Variants in LRRK1 observed in about 807,000 individuals in gnomAD.
The protein encoded by LRRK1 is leucine rich repeat kinase 1.
LRRK1 carries 113 observed loss-of-function variants against 209.1 expected under a neutral mutation model. The observed-to-expected ratio is 0.54, with a 90% CI of 0.46 to 0.63. LRRK1 has a LOEUF of 0.63. Ranked by LOEUF, LRRK1 falls within the 30% of genes least tolerant of loss-of-function variation. LRRK1 has a pLI of 0.00. For synonymous variants in LRRK1, 1,144 were observed against 1,099.7 expected (o/e 1.04, Z -0.80); for missense variants, 2,284 against 2,632.2 (o/e 0.87, Z 2.89).
rs553710359 is a variant in LRRK1, at chr15:100,957,607, C to T, written c.98-16197C>T. On this transcript the variant is annotated intron_variant, in intron 2 of 33. Coordinates refer to ENST00000388948, the MANE Select transcript of LRRK1 (RefSeq NM_024652.6). ...AGTCTATTCAGTCTGGTATAAGTAT[C>T]GCCATTCTTTAGCTCTTTTGGTTTC... is the stretch of plus-strand genomic sequence containing the variant. Among the ~76,000 whole-genome samples, 6 of 152,268 alleles carry T rather than the reference C, an allele frequency of 3.9e-5. No homozygotes were observed. In the South Asian group the frequency reaches 8.3e-4, roughly 21 times the overall value.
At chr15:100,974,562 C>T (rs1596223637) in intron 3 of LRRK1, among the ~76,000 whole-genome samples, 1 of 152,206 alleles carries the variant, frequency 6.6e-6, no homozygotes, top group African/African-American at 2.4e-5. Flanking sequence ...GTAGGCGTCT[C>T]CTTCAATGGC....
Position 100,972,700 on chromosome 15 carries a change from G to A in LRRK1, c.98-1104G>A, listed in dbSNP as rs116679416. Among the ~76,000 whole-genome samples the A allele has an allele frequency of 7.7e-3, 1,170 of 152,114 alleles. 18 individuals carry two copies. Among genetic ancestry groups the A allele is most frequent in the African/African-American group, 0.027 (1,125 of 41,470 alleles). ...TTTTTCTTCTTGGCTTCTCAGCTCC[G>A]TTTTAGTTGGGTGTAAAAACAATAA... On this transcript the variant is annotated intron_variant, in intron 2 of 33. Transcript: ENST00000388948.
rs372069081 is a variant in LRRK1 at position 100,988,848 on chromosome 15, C to A, written c.613+35C>A. 7.2e-6 allele frequency: 11 copies of A among 1,523,372 alleles called. No individual in the cohort carries two copies. The African/African-American group carries it at 1.4e-4, about 19-fold the overall frequency. 94.4% of individuals were successfully genotyped at this position (1,523,372 alleles called of 1,614,324 possible). A position where few individuals can be genotyped will look rare whatever the true frequency, so the allele number is the denominator to read the frequency against. On this transcript the variant is annotated intron_variant, in intron 5 of 33. Transcript: ENST00000388948. ...CCCACTACCCTGAGTCAACCCTGAC[C>A]GTGCAAACCATCTCAGCCTCCAGAT...
At chr15:101,020,243 T>G (rs1219436993) in intron 12 of LRRK1, among the ~76,000 whole-genome samples, 1 of 152,198 alleles carries the variant, frequency 6.6e-6, no homozygotes, top group Non-Finnish European at 1.5e-5. Context: ...CTGTAACCTC[T>G]GTGCATACAC....
At chr15:101,014,763 A>T (rs2033449456) in intron 11 of LRRK1, among the ~76,000 whole-genome samples, 1 of 152,190 alleles carries the variant, frequency 6.6e-6, no homozygotes, top group Non-Finnish European at 1.5e-5. Flanking sequence ...GTCCATCCTA[A>T]TGACCTCATT....
rs548170104 is a variant in LRRK1, at chr15:101,047,646, T to G, written c.3136-848T>G. Among the ~76,000 whole-genome samples, 3 of 152,296 alleles carry G rather than the reference T, an allele frequency of 2.0e-5. No individual in the cohort carries two copies. In the South Asian group the frequency reaches 6.2e-4, roughly 32 times the overall value. On this transcript the variant is annotated intron_variant, in intron 21 of 33. Transcript: ENST00000388948. The stretch of plus-strand genomic sequence containing the variant: ...AATTCAAGCAGCAGTGAGATGCCAG[T>G]TTTCATCCATCACATTAGCAAAAAG...
chr15:101,028,874 T>G, intron 19 of LRRK1, 82 bp from the exon 20 acceptor site: 1 of 1,397,668 alleles, frequency 7.2e-7, no homozygotes, highest in Admixed American at 1.9e-5. Context: ...GTGACCTGGG[T>G]CCTCTTGGAA....
rs12910353 is a variant in LRRK1, at chr15:101,066,217, G to A, written c.5768+12G>A. Reference sequence around the variant, plus strand: ...ATTTGGGTCCCCAGGTACGTTTCCCGAGGTGAGGGCACCATCCAGGGCACG... The same window carrying A: ...ATTTGGGTCCCCAGGTACGTTTCCCAAGGTGAGGGCACCATCCAGGGCACG... On this transcript the variant is annotated intron_variant, in intron 32 of 33. Coordinates refer to ENST00000388948, the MANE Select transcript of LRRK1 (RefSeq NM_024652.6). The A allele has an allele frequency of 8.9e-5, 142 of 1,591,986 alleles. No individual in the cohort carries two copies. The highest frequency in any genetic ancestry group is 1.0e-4 in the Non-Finnish European group (122 of 1,169,208).
At chr15:100,947,249 G>A (rs1213071810) in intron 2 of LRRK1, among the ~76,000 whole-genome samples, 1 of 152,110 alleles carries the variant, frequency 6.6e-6, no homozygotes, top group East Asian at 1.9e-4. Context: ...GAGCCACCAT[G>A]CCCAGGCTCC....
At chr15:101,056,692 CAGAT>C (rs1023785157) in intron 27 of LRRK1, among the ~76,000 whole-genome samples, 160 bp from the exon 28 acceptor site, 9 of 152,098 alleles carry the variant, frequency 5.9e-5, no homozygotes, top group Non-Finnish European at 1.0e-4. Context: ...AGAAAGTGGT[CAGAT>C]AGGTGGATGG....
intron 33 of LRRK1, among the ~76,000 whole-genome samples, chr15:101,067,570 G>A (rs2036607711): frequency 6.6e-6 from 1 of 152,118 alleles, no homozygotes; most frequent in African/African-American, 2.4e-5. Context: ...ATAAGAGGGT[G>A]GAGAAACACC....
intron 2 of LRRK1, among the ~76,000 whole-genome samples, chr15:100,934,583 A>T (rs1237603557): frequency 7.4e-6 from 1 of 134,458 alleles, no homozygotes; most frequent in African/African-American, 2.7e-5. Flanking sequence ...TGACTTCAGG[A>T]GTTTGAGACC....
chr15:101,055,047 G>C lies in LRRK1; in HGVS notation c.4156G>C (p.Asp1386His). The C allele has an allele frequency of 6.2e-7, 1 of 1,614,126 alleles. No homozygotes were observed. The highest frequency in any genetic ancestry group is 8.5e-7 in the Non-Finnish European group (1 of 1,180,012). Residue 1386 changes from aspartate (D) to histidine (H), a missense_variant, in exon 27 of 34, where the codon GAC becomes CAC. Physicochemically the swap from Asp to His is moderately conservative, Grantham distance 81. Around this residue, in one of 6 missense-constraint regions of LRRK1, gnomAD observed 780 missense variants for 985.2 expected, o/e 0.79. Coordinates refer to ENST00000388948, the MANE Select transcript of LRRK1 (RefSeq NM_024652.6). Reference protein sequence around the residue: ...YLHKKNIIFCDLKSDNILVWS... With the variant: ...YLHKKNIIFCHLKSDNILVWS... ...GCACAAGAAAAACATCATCTTCTGT[G>C]ACCTGAAGTCGGACAACATTCTGGT...
intron 24 of LRRK1, 62 bp downstream of exon 24, chr15:101,052,022 C>T: frequency 6.4e-7 from 1 of 1,562,350 alleles, no homozygotes; most frequent in South Asian, 1.2e-5. Context: ...CCTCGCTGTG[C>T]AGTTGCCGAG....
intron 2 of LRRK1, among the ~76,000 whole-genome samples, chr15:100,968,151 AT>A (rs2141645088): frequency 6.6e-6 from 1 of 152,222 alleles, no homozygotes; most frequent in East Asian, 1.9e-4. Flanking sequence ...TTCACTCAGC[AT>A]TATTTTTTTT....
In LRRK1 at chr15:101,029,090, C is replaced by T. The variant is rs747666136; in HGVS notation, c.2821C>T (p.Arg941Trp). 2.0e-5 allele frequency: 33 copies of T among 1,614,034 alleles called. No individual in the cohort carries two copies. The highest frequency in any genetic ancestry group is 1.6e-4 in the Middle Eastern group (1 of 6,084). Residue 941 changes from arginine (R) to tryptophan (W), a missense_variant, in exon 20 of 34, where the codon CGG becomes TGG. Physicochemically the swap from Arg to Trp is moderately radical, Grantham distance 101. This residue lies in a region of LRRK1 where 780 missense variants were observed against 985.2 expected (regional missense o/e 0.79). Coordinates refer to ENST00000388948, the MANE Select transcript of LRRK1 (RefSeq NM_024652.6). ...LQRIFNIKGS[R>W]SVAKNGVIRA... ...GAGGATCTTTAATATTAAGGGCTCT[C>T]GGTCAGTGGCCAAGAATGGGGTGAT...
At chr15:100,979,502 G>C (rs953732987) in intron 3 of LRRK1, among the ~76,000 whole-genome samples, 1 of 152,118 alleles carries the variant, frequency 6.6e-6, no homozygotes, top group Non-Finnish European at 1.5e-5. Context: ...AAATTAAACT[G>C]TCTCTATGTG....
chr15:100,959,410 G>A (rs77799789), intron 2 of LRRK1, among the ~76,000 whole-genome samples: 2,295 of 152,292 alleles, frequency 0.015, 33 homozygotes, highest in African/African-American at 0.026. Context: ...ACGTGCAGGC[G>A]GAGAAAGGAG....
chr15:100,941,067 C>A (rs142607634), intron 2 of LRRK1, among the ~76,000 whole-genome samples: 47 of 152,296 alleles, frequency 3.1e-4, no homozygotes, highest in Non-Finnish European at 6.0e-4. Flanking sequence ...TTCCAATGAG[C>A]CTGTGCCCTT....
Sources: gnomAD v4.1 joint callset for allele counts (sites outside exome capture counted in the v4.1 genomes callset) on GRCh38, gnomAD v4.1.1 for gene constraint, gnomAD v4.1.1 regional missense constraint, MANE v1.5 for transcripts, NCBI Gene and HGNC (gene_info 2026-07-23, HGNC 2026-07-21) for gene names.